Variants in HMCN1 observed in about 807,000 individuals in gnomAD.
HMCN1 encodes the protein hemicentin-1.
Under a neutral mutation model 625.9 loss-of-function variants are expected in HMCN1, and 321 were observed. That is an observed-to-expected ratio of 0.51 (90% CI 0.47 to 0.56). The LOEUF is 0.56. Among genes scored for constraint, HMCN1 ranks in the 20% least tolerant of loss-of-function variants. The pLI is 0.00. For missense variants in HMCN1, 6,588 were observed against 6,887.3 expected (o/e 0.96, Z 1.54); for synonymous variants, 2,425 against 2,417.6 (o/e 1.00, Z -0.09).
At chr1:186,025,963 G>A (rs1341957104) in intron 36 of HMCN1, among the ~76,000 whole-genome samples, 1 of 152,194 alleles carries the variant, frequency 6.6e-6, no homozygotes, top group Admixed American at 6.5e-5. Context: ...TCCCTGAAGG[G>A]AGAATAAATG....
chr1:185,756,569 G>A (rs985555919), intron 1 of HMCN1, among the ~76,000 whole-genome samples: 1 of 151,838 alleles, frequency 6.6e-6, no homozygotes, highest in Non-Finnish European at 1.5e-5. Context: ...TGTAATAGAA[G>A]TTGACATAGC....
At chr1:186,067,764 G>T (rs1015611593) in intron 49 of HMCN1, 70 bp from the exon 50 acceptor site, 3 of 1,045,898 alleles carry the variant, frequency 2.9e-6, no homozygotes, top group Non-Finnish European at 3.0e-6. Flanking sequence ...TACATATAAT[G>T]GAAATTTAGA....
In HMCN1 at chr1:186,114,792, A is replaced by T. The variant is rs984852218; in HGVS notation, c.11277-27A>T. On this transcript the variant is annotated intron_variant, in intron 73 of 106. Transcript: ENST00000271588. The stretch of plus-strand genomic sequence containing the variant: ...AACAATCAAAAAAGGCTGATTCAGA[A>T]GACTTCACTTGTGATTTCTCTTGTA... 6 of 1,613,744 alleles carry T rather than the reference A, an allele frequency of 3.7e-6. No homozygotes were observed. The East Asian group carries it at 1.3e-4, about 36-fold the overall frequency.
chr1:186,014,765 T>G (rs1654247768), intron 30 of HMCN1, among the ~76,000 whole-genome samples: 3 of 152,114 alleles, frequency 2.0e-5, no homozygotes, highest in Non-Finnish European at 4.4e-5. Context: ...CCTTTAGTAT[T>G]GGGGAGAGGG....
intron 86 of HMCN1, among the ~76,000 whole-genome samples, chr1:186,135,728 A>G (rs1313876435): frequency 6.6e-6 from 1 of 152,176 alleles, no homozygotes; most frequent in Non-Finnish European, 1.5e-5. Flanking sequence ...ACAAAGTTCT[A>G]TCATTTCTAC....
intron 1 of HMCN1, among the ~76,000 whole-genome samples, chr1:185,768,840 T>C (rs945700011): frequency 6.6e-6 from 1 of 152,168 alleles, no homozygotes; most frequent in Non-Finnish European, 1.5e-5. Context: ...TCAGAAGACA[T>C]GAAGTTAAGT....
At chr1:185,998,446 A>T (rs1217484869) in intron 25 of HMCN1, among the ~76,000 whole-genome samples, 1 of 152,154 alleles carries the variant, frequency 6.6e-6, no homozygotes, top group African/African-American at 2.4e-5. Flanking sequence ...AGCTTTTCAG[A>T]TACCTAAAGA....
At chr1:186,152,707 C>A in intron 95 of HMCN1, 43 bp from the exon 96 acceptor site, 1 of 1,612,188 alleles carries the variant, frequency 6.2e-7, no homozygotes, top group Non-Finnish European at 8.5e-7. Context: ...CTTACAGAAA[C>A]CATATTTTTT....
intron 57 of HMCN1, 77 bp downstream of exon 57, chr1:186,083,038 C>A: frequency 2.7e-6 from 2 of 746,082 alleles, no homozygotes. Flanking sequence ...ATTATGTAGG[C>A]TTATTTTGTA....
In HMCN1 at chr1:185,945,504, A is replaced by G. The variant is rs148641969; in HGVS notation, c.1828+11680A>G. Among the ~76,000 whole-genome samples the G allele has an allele frequency of 3.1e-3, 473 of 152,318 alleles. 4 individuals are homozygous for G. The highest frequency in any genetic ancestry group is 0.011 in the African/African-American group (439 of 41,572). On this transcript the variant is annotated intron_variant, in intron 11 of 106. Coordinates refer to ENST00000271588, the MANE Select transcript of HMCN1 (RefSeq NM_031935.3). ...ACATCCATCTCCTCAAAAAGCCTAT[A>G]AAGTAATAAAGGAAATTAGGCAATA...
intron 1 of HMCN1, among the ~76,000 whole-genome samples, chr1:185,788,902 C>G (rs1319714254): frequency 2.6e-5 from 4 of 151,978 alleles, no homozygotes; most frequent in Non-Finnish European, 5.9e-5. Context: ...CTTCTAATAC[C>G]TATGTAATAA....
rs1667767161 is a variant in HMCN1, at chr1:185,935,510, T to C, written c.1828+1686T>C. Among the ~76,000 whole-genome samples, 3 of 152,220 alleles carry C rather than the reference T, an allele frequency of 2.0e-5. No homozygotes were observed. The South Asian group carries it at 6.2e-4, about 32-fold the overall frequency. On this transcript the variant is annotated intron_variant, in intron 11 of 106. Transcript: ENST00000271588. ...CTTTAAGGGAAGCTCTTGACTCTCT[T>C]CTTGCTGGTAAAATAAAGCCATTAT... is the stretch of plus-strand genomic sequence containing the variant.
intron 29 of HMCN1, among the ~76,000 whole-genome samples, chr1:186,005,775 T>A (rs184548199): frequency 2.3e-4 from 35 of 152,284 alleles, no homozygotes; most frequent in Admixed American, 2.0e-3. Context: ...ACTTGCACAA[T>A]TGACAATCAA....
At chr1:185,874,838 C>T (rs1441087584) in intron 4 of HMCN1, among the ~76,000 whole-genome samples, 1 of 151,798 alleles carries the variant, frequency 6.6e-6, no homozygotes, top group African/African-American at 2.4e-5. Context: ...GAAAAAGACA[C>T]ATGATATAGT....
At chr1:186,187,819 C>T (rs1173492351) in intron 105 of HMCN1, 64 bp from the exon 106 acceptor site, 15 of 1,604,348 alleles carry the variant, frequency 9.3e-6, no homozygotes, top group Non-Finnish European at 1.3e-5. Flanking sequence ...ATCTACAGTG[C>T]CTGCTCTGAT....
intron 1 of HMCN1, among the ~76,000 whole-genome samples, chr1:185,787,551 C>A (rs180861531): frequency 5.3e-5 from 8 of 152,302 alleles, no homozygotes; most frequent in Admixed American, 2.0e-4. Context: ...AGTGTGGGAA[C>A]AAGGAAGAGA....
chr1:185,787,641 A>G (rs1657716672), intron 1 of HMCN1, among the ~76,000 whole-genome samples: 1 of 148,430 alleles, frequency 6.7e-6, no homozygotes, highest in African/African-American at 2.6e-5. Context: ...GCTCTTTATG[A>G]CTGAAATCTT....
At chr1:185,892,873 C>G (rs59818099) in intron 4 of HMCN1, among the ~76,000 whole-genome samples, 6 of 152,092 alleles carry the variant, frequency 3.9e-5, no homozygotes, top group South Asian at 2.1e-4. Flanking sequence ...TGTTTACCTA[C>G]GGAAGCCTGG....
intron 11 of HMCN1, among the ~76,000 whole-genome samples, chr1:185,958,408 C>T (rs1426260792): frequency 2.0e-5 from 3 of 152,100 alleles, no homozygotes; most frequent in Non-Finnish European, 1.5e-5. Flanking sequence ...CGTGAGCCAC[C>T]ACGTACAGGC....
Sources: allele counts gnomAD v4.1 joint callset (sites outside exome capture counted in the v4.1 genomes callset), GRCh38; gene constraint gnomAD v4.1.1; transcripts MANE v1.5; gene names NCBI Gene and HGNC (gene_info 2026-07-23, HGNC 2026-07-21).